NAV2: variants seen among roughly 807,000 people sequenced by gnomAD.
NAV2 encodes helicase, APC down-regulated 1.
In NAV2, 54 loss-of-function variants were observed where a neutral mutation model predicts 223.2. That is an observed-to-expected ratio of 0.24 (90% CI 0.19 to 0.30). NAV2 has a LOEUF of 0.30. NAV2 is among the 10% of genes least tolerant of loss of function. The probability of loss-of-function intolerance (pLI) is 1.00; values close to 1 mark genes in which losing one functional copy is unlikely to be tolerated. For synonymous variants in NAV2, 1,279 were observed against 1,239.3 expected (o/e 1.03, Z -0.67); for missense variants, 2,806 against 3,147.5 (o/e 0.89, Z 2.60).
chr11:19,783,886 C>T (rs533658490), intron 1 of NAV2, among the ~76,000 whole-genome samples: 4 of 152,024 alleles, frequency 2.6e-5, no homozygotes, highest in Non-Finnish European at 5.9e-5. Context: ...CTTAATTCAT[C>T]CAACACATTT....
intron 1 of NAV2, among the ~76,000 whole-genome samples, chr11:19,643,131 C>T (rs1238869718): frequency 1.3e-5 from 2 of 152,114 alleles, no homozygotes; most frequent in African/African-American, 2.4e-5. Context: ...TATATATATA[C>T]ATGCCACAGG....
intron 10 of NAV2, among the ~76,000 whole-genome samples, chr11:19,977,798 C>CTTTTTT (rs1221334182): frequency 7.3e-4 from 66 of 90,770 alleles, no homozygotes; most frequent in Middle Eastern, 0.011. Context: ...CAACTTTTTT[C>CTTTTTT]TTTTTTTTTT....
chr11:19,836,779 T>C (rs554265924), intron 2 of NAV2, among the ~76,000 whole-genome samples: 1 of 152,156 alleles, frequency 6.6e-6, no homozygotes, highest in Non-Finnish European at 1.5e-5. Context: ...ACAAAAGACA[T>C]TTATTTCTTA....
chr11:20,105,254 T>C (rs2061943574), intron 34 of NAV2: 1 of 330,218 alleles, frequency 3.0e-6, no homozygotes, highest in Non-Finnish European at 5.5e-6. Context: ...TTCAATTAAC[T>C]AGCTGTTTGA....
At chr11:19,421,541 ATAT>A (rs749040660) in intron 1 of NAV2, among the ~76,000 whole-genome samples, 3 of 152,190 alleles carry the variant, frequency 2.0e-5, no homozygotes, top group Non-Finnish European at 2.9e-5. Context: ...GATATTATGT[ATAT>A]TATTGCTTAG....
chr11:19,818,513 A>T (rs992239134), intron 1 of NAV2, among the ~76,000 whole-genome samples: 1 of 152,144 alleles, frequency 6.6e-6, no homozygotes, highest in African/African-American at 2.4e-5. Flanking sequence ...AAATAATTAG[A>T]AAGTGATGAG....
intron 1 of NAV2, among the ~76,000 whole-genome samples, chr11:19,670,401 C>T (rs575093735): frequency 2.0e-4 from 31 of 152,348 alleles, no homozygotes; most frequent in African/African-American, 5.3e-4. Flanking sequence ...CGGGGACTCC[C>T]GCTGAGTTTA....
intron 1 of NAV2, among the ~76,000 whole-genome samples, chr11:19,748,754 G>A (rs2053572891): frequency 6.6e-6 from 1 of 152,180 alleles, no homozygotes; most frequent in Admixed American, 6.5e-5. Flanking sequence ...GGGCAGGGAA[G>A]GTGCAGGCAC....
chr11:19,584,308 A>G (rs556994681), intron 1 of NAV2, among the ~76,000 whole-genome samples: 1 of 151,834 alleles, frequency 6.6e-6, no homozygotes, highest in African/African-American at 2.4e-5. Flanking sequence ...TATCGATTTT[A>G]TTGATCTTTG....
At chr11:19,733,742 G>A (rs1429217957) in intron 1 of NAV2, among the ~76,000 whole-genome samples, 1 of 152,142 alleles carries the variant, frequency 6.6e-6, no homozygotes, top group African/African-American at 2.4e-5. Context: ...TGAAAATAGT[G>A]TATAAGAGAT....
intron 1 of NAV2, among the ~76,000 whole-genome samples, chr11:19,723,683 A>G (rs2050966069): frequency 6.6e-6 from 1 of 152,152 alleles, no homozygotes; most frequent in East Asian, 1.9e-4. Flanking sequence ...TCCTGCTGCA[A>G]TCTGGGCAGG....
At chr11:19,358,737 ACC>A (rs1853763521) in intron 1 of NAV2, among the ~76,000 whole-genome samples, 1 of 152,000 alleles carries the variant, frequency 6.6e-6, no homozygotes, top group African/African-American at 2.4e-5. Context: ...GTTCCTTCAG[ACC>A]CCCTCTTCCC....
At chr11:19,728,831 A>G (rs1052575695) in intron 1 of NAV2, among the ~76,000 whole-genome samples, 1 of 152,268 alleles carries the variant, frequency 6.6e-6, no homozygotes, top group African/African-American at 2.4e-5. Flanking sequence ...ATGAGATGGC[A>G]GTGCTCTATT....
intron 22 of NAV2, among the ~76,000 whole-genome samples, chr11:20,074,802 C>G (rs1385265689): frequency 1.1e-5 from 1 of 93,198 alleles, no homozygotes; most frequent in Non-Finnish European, 2.1e-5. Flanking sequence ...GGTAAATATT[C>G]CTTCATCCCT....
intron 1 of NAV2, among the ~76,000 whole-genome samples, chr11:19,642,017 C>T (rs2047680386): frequency 6.6e-6 from 1 of 152,162 alleles, no homozygotes; most frequent in South Asian, 2.1e-4. Flanking sequence ...TGGCATATAG[C>T]AGGTACTGAA....
chr11:19,948,983 G>A lies in NAV2; in HGVS notation c.2548G>A (p.Glu850Lys). The stretch of plus-strand genomic sequence containing the variant: ...GGACGTCTCAGACAAGGCAGGAGAT[G>A]AGATGGACCTGGAAGGCATCAGCAT... ...HVDVSDKAGD[E>K]MDLEGISMDA... is the part of the protein sequence containing the mutation. Residue 850 changes from glutamate (E) to lysine (K), a missense_variant, in exon 10 of 38, where the codon GAG (glutamate) becomes AAG (lysine). Glu to Lys is a moderately conservative substitution (Grantham distance 56). Around this residue, in one of 4 missense-constraint regions of NAV2, gnomAD observed 1,167 missense variants for 1,180.5 expected, o/e 0.99. Transcript: ENST00000349880. 6.2e-7 allele frequency: 1 copy of A among 1,613,904 alleles called. No individual in the cohort carries two copies. The highest frequency in any genetic ancestry group is 1.3e-5 in the African/African-American group (1 of 75,040).
chr11:19,537,297 A>C (rs920279905), intron 1 of NAV2, among the ~76,000 whole-genome samples: 3 of 152,220 alleles, frequency 2.0e-5, no homozygotes, highest in African/African-American at 7.2e-5. Context: ...AACAACACCC[A>C]CCATGAATAA....
At chr11:20,056,535 T>G in intron 19 of NAV2, 1 of 1,609,204 alleles carries the variant, frequency 6.2e-7, no homozygotes, top group East Asian at 2.2e-5. Flanking sequence ...ATCAGAATCA[T>G]GGGAGAAAAG....
chr11:19,518,806 C>T (rs1007488969), intron 1 of NAV2, among the ~76,000 whole-genome samples: 7 of 152,160 alleles, frequency 4.6e-5, no homozygotes, highest in African/African-American at 1.7e-4. Context: ...ACTCAAAATT[C>T]CTATGCTGAA....
Sources: gnomAD v4.1 joint callset for allele counts (sites outside exome capture counted in the v4.1 genomes callset) on GRCh38, gnomAD v4.1.1 for gene constraint, gnomAD v4.1.1 regional missense constraint, MANE v1.5 for transcripts, NCBI Gene and HGNC (gene_info 2026-07-23, HGNC 2026-07-21) for gene names.